Variants in GRID2 observed in about 807,000 individuals in gnomAD.
The protein encoded by GRID2 is glutamate receptor ionotropic, delta-2.
GRID2 carries 33 observed loss-of-function variants against 114.8 expected under a neutral mutation model. That is an observed-to-expected ratio of 0.29 (90% confidence interval 0.22 to 0.38). The LOEUF is 0.38. GRID2 is among the 10% of genes least tolerant of loss of function. GRID2 has a pLI of 1.00. For missense variants in GRID2, 1,184 were observed against 1,257.7 expected (o/e 0.94, Z 0.89); for synonymous variants, 505 against 449.9 (o/e 1.12, Z -1.55).
At chr4:92,715,685 A>ATGTT (rs1735510611) in intron 2 of GRID2, among the ~76,000 whole-genome samples, 2 of 152,098 alleles carry the variant, frequency 1.3e-5, no homozygotes, top group Admixed American at 1.3e-4. Flanking sequence ...CTTTTATAAA[A>ATGTT]CCATCAGATC....
intron 2 of GRID2, among the ~76,000 whole-genome samples, chr4:92,692,564 A>C (rs1304791022): frequency 1.3e-5 from 2 of 152,308 alleles, no homozygotes; most frequent in Admixed American, 6.5e-5. Flanking sequence ...CCTTAGTCAA[A>C]ATATAGTAAC....
At chr4:93,054,533 T>C (rs1727042615) in intron 2 of GRID2, among the ~76,000 whole-genome samples, 1 of 151,904 alleles carries the variant, frequency 6.6e-6, no homozygotes, top group South Asian at 2.1e-4. Flanking sequence ...TTGGAGCATG[T>C]GGTAAACTTT....
At chr4:92,997,319 A>G (rs1367799008) in intron 2 of GRID2, among the ~76,000 whole-genome samples, 1 of 152,164 alleles carries the variant, frequency 6.6e-6, no homozygotes, top group Non-Finnish European at 1.5e-5. Context: ...AGAGTAAGAT[A>G]CAGGAACCCA....
intron 2 of GRID2, among the ~76,000 whole-genome samples, chr4:92,736,876 CAGAA>C (rs1197757391): frequency 6.6e-5 from 10 of 151,996 alleles, no homozygotes; most frequent in Admixed American, 1.3e-4. Flanking sequence ...CAGGAATACT[CAGAA>C]AGAATTCTAA....
At chr4:92,799,665 A>G (rs1740062605) in intron 2 of GRID2, among the ~76,000 whole-genome samples, 1 of 151,996 alleles carries the variant, frequency 6.6e-6, no homozygotes, top group Non-Finnish European at 1.5e-5. Flanking sequence ...GCTGTCATCC[A>G]TTTAAACTTA....
rs541867929 is a variant in GRID2 at position 93,072,353 on chromosome 4, C to T, written c.245-12642C>T. ...CACACAGGCTAGGAAGAATCACTTG[C>T]AATTTTTATGAACTCATAAAGGCTA... On this transcript the variant is annotated intron_variant, in intron 2 of 15. Transcript: ENST00000282020. Among the ~76,000 whole-genome samples, 5 of 152,130 alleles carry T rather than the reference C, an allele frequency of 3.3e-5. No homozygotes were observed. In the South Asian group the frequency reaches 1.0e-3, roughly 32 times the overall value.
intron 14 of GRID2, among the ~76,000 whole-genome samples, chr4:93,752,995 G>C (rs529528689): frequency 8.3e-4 from 126 of 152,204 alleles, no homozygotes; most frequent in Non-Finnish European, 1.6e-3. Flanking sequence ...GATAAGAATG[G>C]CCTGGGGGTA....
intron 4 of GRID2, among the ~76,000 whole-genome samples, chr4:93,148,997 TG>T (rs1320675041): frequency 6.6e-6 from 1 of 152,204 alleles, no homozygotes. Flanking sequence ...CATGAATTTA[TG>T]TTTCAGTAAG....
chr4:93,195,893 T>A (rs1334678996), intron 4 of GRID2, among the ~76,000 whole-genome samples: 1 of 152,192 alleles, frequency 6.6e-6, no homozygotes, highest in East Asian at 1.9e-4. Context: ...CACTAAAATA[T>A]AGCAGATGAC....
intron 1 of GRID2, among the ~76,000 whole-genome samples, chr4:92,507,415 TTGTGTGTGTGTGTGTGTG>T (rs70940902): frequency 4.0e-5 from 6 of 149,244 alleles, no homozygotes; most frequent in Non-Finnish European, 7.5e-5. Context: ...TCGTGTATAA[TTGTGTGTGTGTGTGTGTG>T]TGTGTGTTTG....
intron 1 of GRID2, among the ~76,000 whole-genome samples, chr4:92,403,738 AAATAAAGT>A (rs1273383138): frequency 2.1e-5 from 3 of 143,248 alleles, no homozygotes; most frequent in African/African-American, 5.2e-5. Context: ...ATAAATAAAT[AAATAAAGT>A]GAGAGACATG....
chr4:92,852,823 G>A (rs1286247430), intron 2 of GRID2, among the ~76,000 whole-genome samples: 1 of 151,740 alleles, frequency 6.6e-6, no homozygotes, highest in Non-Finnish European at 1.5e-5. Context: ...CTTCTGCTAG[G>A]AACTTTCATT....
intron 2 of GRID2, among the ~76,000 whole-genome samples, chr4:93,058,009 C>G (rs932383869): frequency 6.7e-6 from 1 of 148,382 alleles, no homozygotes; most frequent in African/African-American, 2.5e-5. Flanking sequence ...GACTTTTTTT[C>G]ATTGTATATG....
At position 93,085,207 on chromosome 4, in the gene GRID2, C is replaced by G. The variant is rs375586960; in HGVS notation, c.457C>G (p.His153Asp). The G allele has an allele frequency of 1.2e-6, 2 of 1,613,496 alleles. No individual in the cohort carries two copies. The highest frequency in any genetic ancestry group is 8.5e-7 in the Non-Finnish European group (1 of 1,179,512). ...CTCAGTTCGCCCACCTGTCTACTTG[C>G]ATGATGTTATCCTAAGAGTGGTCAC... ...TLSVRPPVYLHDVILRVVTEY... is the reference protein window; with the variant it reads ...TLSVRPPVYLDDVILRVVTEY... Residue 153 changes from histidine (H) to aspartate (D), a missense_variant, in exon 3 of 16, where the codon CAT becomes GAT. Around this residue, in one of 3 missense-constraint regions of GRID2, gnomAD observed 455 missense variants for 429.5 expected, o/e 1.06. Transcript: ENST00000282020.
intron 8 of GRID2, among the ~76,000 whole-genome samples, chr4:93,332,299 T>TGAGA (rs10596544): frequency 7.4e-4 from 90 of 121,032 alleles, no homozygotes; most frequent in African/African-American, 2.5e-3. Context: ...TGTGTGTGTG[T>TGAGA]GAGAGAGAGA....
intron 2 of GRID2, among the ~76,000 whole-genome samples, chr4:92,613,809 AT>A (rs2149231384): frequency 6.6e-6 from 1 of 150,408 alleles, no homozygotes; most frequent in South Asian, 2.1e-4. Context: ...GATTGTAGTG[AT>A]TTTTCTCCTT....
At chr4:93,715,733 G>C (rs768640928) in intron 14 of GRID2, among the ~76,000 whole-genome samples, 20 of 152,060 alleles carry the variant, frequency 1.3e-4, no homozygotes, top group Non-Finnish European at 2.1e-4. Context: ...CTCTCAACTT[G>C]CCTGTTGCTG....
chr4:93,178,516 C>T (rs573745373), intron 4 of GRID2, among the ~76,000 whole-genome samples: 82 of 150,540 alleles, frequency 5.4e-4, no homozygotes, highest in African/African-American at 2.0e-3. Flanking sequence ...CTACCTCAGC[C>T]TCCTGACTAG....
chr4:92,579,159 T>C (rs1012873323), intron 1 of GRID2, among the ~76,000 whole-genome samples: 1 of 152,084 alleles, frequency 6.6e-6, no homozygotes, highest in African/African-American at 2.4e-5. Context: ...AACGTGACTT[T>C]TATTTTATTT....
Sources: allele counts gnomAD v4.1 joint callset (sites outside exome capture counted in the v4.1 genomes callset), GRCh38; gene constraint gnomAD v4.1.1; regional missense constraint gnomAD v4.1.1; transcripts MANE v1.5; gene names NCBI Gene and HGNC (gene_info 2026-07-23, HGNC 2026-07-21).